Variants in FAT1 observed in about 807,000 individuals in gnomAD.
FAT1 encodes the protein FAT atypical cadherin 1, also known as protocadherin Fat 1.
FAT1 carries 171 observed loss-of-function variants against 329.8 expected under a neutral mutation model. The observed-to-expected ratio is 0.52, with a 90% CI of 0.46 to 0.59. The LOEUF (loss-of-function observed/expected upper bound fraction) is 0.59. FAT1 is among the 20% of genes least tolerant of loss of function. The pLI is 0.00. For missense variants in FAT1, 5,672 were observed against 5,774.4 expected, an observed-to-expected ratio of 0.98 and a Z score of 0.57; for synonymous variants, 2,233 against 2,228.6, an observed-to-expected ratio of 1.00 and a Z score of -0.06.
chr4:186,598,316 A>AG (rs1738637736), intron 22 of FAT1, among the ~76,000 whole-genome samples, 191 bp from the exon 23 acceptor site: 1 of 152,236 alleles, frequency 6.6e-6, no homozygotes, highest in East Asian at 1.9e-4. Flanking sequence ...CCCAGAATTG[A>AG]AGAGAGAACT....
At chr4:186,595,610 T>C (rs1437129351) in intron 26 of FAT1, 79 bp downstream of exon 26, 9 of 1,495,934 alleles carry the variant, frequency 6.0e-6, no homozygotes, top group African/African-American at 2.8e-5. Flanking sequence ...TAAGGGTAGA[T>C]AGTGCGTCTA....
At chr4:186,592,291 C>T (rs73028935) in intron 26 of FAT1, among the ~76,000 whole-genome samples, 3,526 of 152,192 alleles carry the variant, frequency 0.023, 91 homozygotes, top group African/African-American at 0.065. Flanking sequence ...TGATCATACT[C>T]AGGGAAAAAC....
chr4:186,628,844 A>C, intron 7 of FAT1, 81 bp from the exon 8 acceptor site: 3 of 1,373,582 alleles, frequency 2.2e-6, no homozygotes, highest in Non-Finnish European at 2.9e-6. Context: ...AACGAAAGTC[A>C]TGTATATTGA....
At chr4:186,646,832 G>C (rs577822402) in intron 3 of FAT1, among the ~76,000 whole-genome samples, 1 of 152,154 alleles carries the variant, frequency 6.6e-6, no homozygotes, top group African/African-American at 2.4e-5. Context: ...TTGGCTCAGC[G>C]GGCGACGAAG....
chr4:186,588,708 C>T lies in FAT1; in HGVS notation c.13651G>A (p.Ala4551Thr), dbSNP rs775695644. The change falls in exon 27 of 27, where the codon GCC becomes ACC. Residue 4551 changes from alanine to threonine, a missense_variant. This residue lies in a region of FAT1 where 1,706 missense variants were observed against 1,859.1 expected (regional missense o/e 0.92). Coordinates refer to ENST00000441802, the MANE Select transcript of FAT1 (RefSeq NM_005245.4). Reference sequence around the variant, plus strand: ...ACCTCGGACTCCACTTCGCAGCAGGCTGACACGTCAGAGCAGGAGGCGGTG... The same window carrying T: ...ACCTCGGACTCCACTTCGCAGCAGGTTGACACGTCAGAGCAGGAGGCGGTG... ...ASTASCSDVSACCEVESEVMM... is the reference protein window; with the variant it reads ...ASTASCSDVSTCCEVESEVMM... The T allele has an allele frequency of 2.9e-5, 46 of 1,613,858 alleles. No homozygotes were observed. The highest frequency in any genetic ancestry group is 3.6e-5 in the Non-Finnish European group (43 of 1,179,898).
intron 2 of FAT1, among the ~76,000 whole-genome samples, chr4:186,666,956 C>G (rs993635459): frequency 5.9e-5 from 9 of 152,094 alleles, no homozygotes; most frequent in Non-Finnish European, 1.2e-4. Flanking sequence ...GCTGTTATGA[C>G]AAAAGAGTAA....
intron 2 of FAT1, among the ~76,000 whole-genome samples, chr4:186,673,043 T>G (rs2126634570): frequency 6.6e-6 from 1 of 152,270 alleles, no homozygotes; most frequent in South Asian, 2.1e-4. Flanking sequence ...CACAGAAGAA[T>G]GTCAGTGATA....
chr4:186,598,895 G>A (rs1323024180), intron 22 of FAT1: 2 of 152,376 alleles, frequency 1.3e-5, no homozygotes, highest in Non-Finnish European at 1.5e-5. Flanking sequence ...CTAACTGCCT[G>A]CCTTGAGGGC....
At chr4:186,630,027 T>C (rs755334758) in intron 7 of FAT1, among the ~76,000 whole-genome samples, 1 of 152,192 alleles carries the variant, frequency 6.6e-6, no homozygotes, top group African/African-American at 2.4e-5. Flanking sequence ...TCAAGCATTA[T>C]TAAGTAGAAA....
At chr4:186,603,075 G>C (rs763449483) in intron 19 of FAT1, 41 bp from the exon 20 acceptor site, 13 of 1,612,672 alleles carry the variant, frequency 8.1e-6, no homozygotes, top group Middle Eastern at 1.6e-4. Context: ...ATAATTAACA[G>C]ACATTTCAAG....
intron 20 of FAT1, 78 bp from the exon 21 acceptor site, chr4:186,601,504 C>G (rs1315221188): frequency 1.7e-6 from 2 of 1,174,414 alleles, no homozygotes; most frequent in Non-Finnish European, 2.4e-6. Context: ...CCCTGCACCC[C>G]TTGAGACTGA....
chr4:186,687,919 T>C (rs1368367767), intron 2 of FAT1, among the ~76,000 whole-genome samples: 1 of 152,152 alleles, frequency 6.6e-6, no homozygotes, highest in Non-Finnish European at 1.5e-5. Flanking sequence ...TTTGTGCAGG[T>C]ACATATGAGT....
chr4:186,708,971 T>C lies in FAT1; in HGVS notation c.857A>G (p.Asn286Ser), dbSNP rs201488687. 80 of 1,614,012 alleles carry C rather than the reference T, an allele frequency of 5.0e-5. No individual in the cohort carries two copies. Among genetic ancestry groups the C allele is most frequent in the Middle Eastern group, 1.6e-4 (1 of 6,062 alleles). The change falls in exon 2 of 27, where the codon AAT becomes AGT. Residue 286 changes from asparagine (N) to serine (S), a missense_variant. Transcript: ENST00000441802. ...GATGCTTAAAGATGCTATGTCACCATTGGCACCCTGATCGCAGTCATCCAC... is the reference window on the plus strand; with the variant it reads ...GATGCTTAAAGATGCTATGTCACCACTGGCACCCTGATCGCAGTCATCCAC... ...VTVDDCDQGA[N>S]GDIASLSIVA...
Position 186,620,489 on chromosome 4 carries a change from A to T in FAT1, c.6097T>A (p.Ser2033Thr). ...CGATCGAAGGGCGTGCCAGTGGTTG[A>T]CAGAACTCCTGAAGTGCGGCTTATT... ...FKISRTSGVL[S>T]TTGTPFDREQ... Residue 2033 changes from serine to threonine, a missense_variant, in exon 10 of 27, where the codon TCA becomes ACA. Physicochemically the swap from Ser to Thr is moderately conservative, Grantham distance 58. Transcript: ENST00000441802. The T allele has an allele frequency of 5.0e-6, 8 of 1,614,014 alleles. No individual in the cohort carries two copies. The highest frequency in any genetic ancestry group is 6.8e-6 in the Non-Finnish European group (8 of 1,179,896).
Position 186,621,707 on chromosome 4 carries a change from G to A in FAT1, c.4879C>T (p.Arg1627Ter), listed in dbSNP as rs1340793072. The change falls in exon 10 of 27, where the codon CGA (arginine) becomes TGA (stop). Residue 1627 changes from arginine to a stop codon, truncating the protein, a stop_gained. Coordinates refer to ENST00000441802, the MANE Select transcript of FAT1 (RefSeq NM_005245.4). LOFTEE classifies it high-confidence loss of function. ...GSIKTAKELDRSNQAEYDLMV... is the reference protein window; with the variant it reads ...GSIKTAKELD The stretch of plus-strand genomic sequence containing the variant: ...AAATCATACTCCGCTTGGTTACTTC[G>A]ATCTAATTCTTTGGCAGTTTTAATA... 6 of 1,613,192 alleles carry A rather than the reference G, an allele frequency of 3.7e-6. No individual in the cohort carries two copies. The highest frequency in any genetic ancestry group is 2.2e-5 in the South Asian group (2 of 90,850).
intron 2 of FAT1, among the ~76,000 whole-genome samples, chr4:186,668,958 C>A (rs995546721): frequency 6.6e-5 from 10 of 152,128 alleles, no homozygotes; most frequent in Admixed American, 2.0e-4. Context: ...TCAATAAGTA[C>A]TTTTTTATAT....
intron 2 of FAT1, among the ~76,000 whole-genome samples, chr4:186,702,865 C>G (rs1242757320): frequency 6.6e-6 from 1 of 152,090 alleles, no homozygotes; most frequent in Non-Finnish European, 1.5e-5. Context: ...GCAGGCAGAC[C>G]GAACCCTGAA....
intron 2 of FAT1, among the ~76,000 whole-genome samples, chr4:186,690,467 AGGCAGATCATCT>A (rs1449913535): frequency 6.6e-6 from 1 of 152,148 alleles, no homozygotes; most frequent in Non-Finnish European, 1.5e-5. Context: ...AGGCCGAGGC[AGGCAGATCATCT>A]GAGGTCCAGA....
intron 2 of FAT1, among the ~76,000 whole-genome samples, chr4:186,675,577 G>A (rs570670502): frequency 3.6e-4 from 55 of 152,064 alleles, no homozygotes; most frequent in African/African-American, 7.0e-4. Context: ...GACCAGGCTG[G>A]GCAACATGGC....
Sources: allele counts gnomAD v4.1 joint callset (sites outside exome capture counted in the v4.1 genomes callset), GRCh38; gene constraint gnomAD v4.1.1; regional missense constraint gnomAD v4.1.1; transcripts MANE v1.5; gene names NCBI Gene and HGNC (gene_info 2026-07-23, HGNC 2026-07-21).